TBCB: variants seen among roughly 807,000 people sequenced by gnomAD.
TBCB encodes tubulin-folding cofactor B.
Under a neutral mutation model 29.2 loss-of-function variants are expected in TBCB, and 18 were observed. The observed-to-expected ratio is 0.62, with a 90% CI of 0.43 to 0.91. TBCB has a LOEUF of 0.91. Ranked by LOEUF, TBCB falls within the 40% of genes least tolerant of loss-of-function variation. TBCB has a pLI of 0.00. For synonymous variants in TBCB, 172 were observed against 137.8 expected, an observed-to-expected ratio of 1.25 and a Z score of -1.74; for missense variants, 336 against 337.6, an observed-to-expected ratio of 1.00 and a Z score of 0.04.
At chr19:36,124,588 G>T (rs890135178) in intron 4 of TBCB, among the ~76,000 whole-genome samples, 1 of 151,120 alleles carries the variant, frequency 6.6e-6, no homozygotes, top group Non-Finnish European at 1.5e-5. Context: ...TGCCCAGGCT[G>T]GAATACAGTG....
At position 36,116,059 on chromosome 19, in the gene TBCB, G is replaced by A; in HGVS notation, c.133G>A (p.Val45Met). The A allele has an allele frequency of 3.7e-6, 6 of 1,614,096 alleles. No individual in the cohort carries two copies. Among genetic ancestry groups the A allele is most frequent in the Non-Finnish European group, 5.1e-6 (6 of 1,179,992 alleles). The change falls in exon 2 of 6, where the codon GTG (valine) becomes ATG (methionine). Residue 45 changes from valine (V) to methionine (M), a missense_variant. Coordinates refer to ENST00000221855, the MANE Select transcript of TBCB (RefSeq NM_001281.3). ...AEFKCKLELL[V>M]GSPASCMELE... is the part of the protein sequence containing the mutation. ...CTCACAGTGTAAACTGGAGTTGCTGGTGGGCAGCCCTGCTTCCTGCATGGA... is the reference window on the plus strand; with the variant it reads ...CTCACAGTGTAAACTGGAGTTGCTGATGGGCAGCCCTGCTTCCTGCATGGA...
intron 2 of TBCB, among the ~76,000 whole-genome samples, chr19:36,119,373 AC>A (rs1851579311): frequency 6.6e-6 from 1 of 151,704 alleles, no homozygotes; most frequent in Non-Finnish European, 1.5e-5. Flanking sequence ...TCTCTCCCTC[AC>A]CCCCACATCC....
chr19:36,118,138 GCTT>G (rs1376207569), intron 2 of TBCB, among the ~76,000 whole-genome samples: 2 of 152,168 alleles, frequency 1.3e-5, no homozygotes, highest in Non-Finnish European at 2.9e-5. Context: ...AGAGAGAACT[GCTT>G]CTTTTTTCTC....
chr19:36,123,254 C>CTTTTTTT (rs201890657), intron 4 of TBCB, among the ~76,000 whole-genome samples: 16 of 131,422 alleles, frequency 1.2e-4, no homozygotes, highest in East Asian at 2.2e-4. Context: ...GAACCTTCTT[C>CTTTTTTT]TTTTTTTTTT....
intron 1 of TBCB, 99 bp from the exon 2 acceptor site, chr19:36,115,942 G>T: frequency 7.9e-6 from 12 of 1,518,104 alleles, no homozygotes; most frequent in Non-Finnish European, 9.8e-6. Context: ...CGTCCTGACT[G>T]GGGGGTCTTT....
At chr19:36,116,362 G>A in intron 2 of TBCB, 178 bp downstream of exon 2, 3 of 788,996 alleles carry the variant, frequency 3.8e-6, no homozygotes, top group Non-Finnish European at 5.6e-6. Flanking sequence ...AGAGTGGTCT[G>A]GGCTGGGATC....
chr19:36,124,745 G>A (rs890081392), intron 4 of TBCB, among the ~76,000 whole-genome samples: 3 of 152,088 alleles, frequency 2.0e-5, no homozygotes, highest in East Asian at 1.9e-4. Flanking sequence ...GGGCTTCACC[G>A]TGTTAGCCAG....
At position 36,116,177 on chromosome 19, in the gene TBCB, G is replaced by T. The variant is rs1213955797; in HGVS notation, c.251G>T (p.Arg84Leu). ...LGSYPVDDGCRIHVIDHSGAR... is the reference protein window; with the variant it reads ...LGSYPVDDGCLIHVIDHSGAR... Reference sequence around the variant, plus strand: ...TCCTACCCTGTAGATGACGGCTGCCGCATCCACGTGAGGACTCTCTATCTG... The same window carrying T: ...TCCTACCCTGTAGATGACGGCTGCCTCATCCACGTGAGGACTCTCTATCTG... Residue 84 changes from arginine to leucine, a missense_variant, in exon 2 of 6, where the codon CGC becomes CTC. By Grantham distance (102) the Arg-to-Leu change is moderately radical. Transcript: ENST00000221855. 1 of 1,613,870 alleles carries T rather than the reference G, an allele frequency of 6.2e-7. No individual in the cohort carries two copies. Among genetic ancestry groups the T allele is most frequent in the East Asian group, 2.2e-5 (1 of 44,878 alleles).
chr19:36,123,227 A>T (rs1258374861), intron 4 of TBCB, among the ~76,000 whole-genome samples: 1 of 147,208 alleles, frequency 6.8e-6, no homozygotes. Context: ...TTTGGCTATT[A>T]TGAATAATGC....
intron 4 of TBCB, among the ~76,000 whole-genome samples, chr19:36,124,646 C>T (rs4806277): frequency 0.15 from 22,314 of 152,042 alleles, 1,835 homozygotes; most frequent in Admixed American, 0.25. Flanking sequence ...CGGGTTCAAA[C>T]GGTTCTCCTG....
intron 4 of TBCB, among the ~76,000 whole-genome samples, chr19:36,123,254 C>CTT (rs201890657): frequency 4.0e-4 from 53 of 131,402 alleles, no homozygotes; most frequent in East Asian, 1.1e-3. Flanking sequence ...GAACCTTCTT[C>CTT]TTTTTTTTTT....
chr19:36,116,324 C>T (rs978844079), intron 2 of TBCB, 140 bp downstream of exon 2: 14 of 1,148,120 alleles, frequency 1.2e-5, no homozygotes, highest in Non-Finnish European at 1.7e-5. Flanking sequence ...TGACGAGAGA[C>T]AGACCCATCA....
intron 2 of TBCB, 78 bp downstream of exon 2, chr19:36,116,262 C>T (rs998125193): frequency 6.4e-6 from 10 of 1,569,794 alleles, no homozygotes; most frequent in East Asian, 2.3e-5. Context: ...TGGGCTTTGC[C>T]CTCAGTCATA....
chr19:36,120,523 A>C (rs1459626877), intron 2 of TBCB, 187 bp from the exon 3 acceptor site: 1 of 564,148 alleles, frequency 1.8e-6, no homozygotes, highest in Non-Finnish European at 3.2e-6. Flanking sequence ...GGGGTGAGGA[A>C]GGGGAGGTGG....
intron 2 of TBCB, among the ~76,000 whole-genome samples, chr19:36,117,421 T>G (rs1403061938): frequency 1.3e-5 from 2 of 152,198 alleles, no homozygotes; most frequent in African/African-American, 4.8e-5. Flanking sequence ...CTCAGCTCAC[T>G]GCAACCTCTG....
intron 2 of TBCB, 71 bp downstream of exon 2, chr19:36,116,255 G>C (rs76448723): frequency 6.3e-7 from 1 of 1,580,676 alleles, no homozygotes; most frequent in Non-Finnish European, 8.6e-7. Context: ...CACTTGCTGG[G>C]CTTTGCCCTC....
At chr19:36,116,213 C>T (rs764424073) in intron 2 of TBCB, 29 bp downstream of exon 2, 3 of 1,607,332 alleles carry the variant, frequency 1.9e-6, no homozygotes, top group Non-Finnish European at 2.6e-6. Flanking sequence ...GGACACTCCC[C>T]CACCCCACCT....
intron 4 of TBCB, chr19:36,121,977 C>G (rs901129192): frequency 4.2e-5 from 24 of 565,182 alleles, no homozygotes; most frequent in Non-Finnish European, 7.2e-5. Flanking sequence ...GGCACGCGGC[C>G]TGTGCGCTTC....
At chr19:36,115,168 G>A, upstream of TBCB, 3 of 558,106 alleles carry the variant, frequency 5.4e-6, no homozygotes, top group South Asian at 2.3e-5. Context: ...GAGCATCCAG[G>A]ACAGAAGCCA....
Sources: gnomAD v4.1 joint callset for allele counts (sites outside exome capture counted in the v4.1 genomes callset) on GRCh38, gnomAD v4.1.1 for gene constraint, MANE v1.5 for transcripts, NCBI Gene and HGNC (gene_info 2026-07-23, HGNC 2026-07-21) for gene names.